The following TCF20 variants were observed in gnomAD, a reference collection of about 807,000 sequenced individuals.
The protein encoded by TCF20 is SPRE-binding protein.
TCF20 carries 3 observed loss-of-function variants against 148.6 expected under a neutral mutation model. That is an observed-to-expected ratio of 0.02 (90% CI 0.01 to 0.05). The LOEUF is 0.05. TCF20 is among the 10% of genes least tolerant of loss of function. The pLI, the probability that TCF20 is intolerant of heterozygous loss-of-function variation, is 1.00. For synonymous variants in TCF20, 1,049 were observed against 909.5 expected, an observed-to-expected ratio of 1.15 and a Z score of -2.76; for missense variants, 2,350 against 2,429.3, an observed-to-expected ratio of 0.97 and a Z score of 0.69.
chr22:42,302,956 G>A (rs4820459), intron 1 of TCF20, among the ~76,000 whole-genome samples: 72,279 of 151,936 alleles, frequency 0.48, 17,289 homozygotes, highest in East Asian at 0.6. Context: ...TTGAGACAGA[G>A]CCTCGCTCTG....
intron 1 of TCF20, among the ~76,000 whole-genome samples, chr22:42,328,529 T>A (rs1189859912): frequency 1.3e-5 from 2 of 151,994 alleles, no homozygotes; most frequent in Non-Finnish European, 2.9e-5. Flanking sequence ...CACCTTCATC[T>A]CTTGGTTGCA....
At chr22:42,252,927 G>C (rs889931597) in intron 1 of TCF20, among the ~76,000 whole-genome samples, 2 of 151,768 alleles carry the variant, frequency 1.3e-5, no homozygotes, top group African/African-American at 4.8e-5. Flanking sequence ...TAATTTAGTA[G>C]AGTCAAATGT....
At chr22:42,307,100 C>A (rs892679024) in intron 1 of TCF20, among the ~76,000 whole-genome samples, 4 of 151,512 alleles carry the variant, frequency 2.6e-5, no homozygotes, top group African/African-American at 9.7e-5. Context: ...GGCACCAACC[C>A]GAGCCATCTG....
chr22:42,283,678 C>A (rs1479835172), intron 1 of TCF20, among the ~76,000 whole-genome samples: 2 of 151,834 alleles, frequency 1.3e-5, no homozygotes. Flanking sequence ...GGCCCCTGCC[C>A]AGCCCTGCCC....
At position 42,299,850 on chromosome 22, in the gene TCF20, G is replaced by A. The variant is rs1927302336; in HGVS notation, c.-37+43629C>T. Among the ~76,000 whole-genome samples the A allele has an allele frequency of 1.3e-5, 2 of 151,262 alleles. No individual in the cohort carries two copies. Among genetic ancestry groups the A allele is most frequent in the African/African-American group, 4.9e-5 (2 of 41,070 alleles). On this transcript the variant is annotated intron_variant, in intron 1 of 1. Coordinates refer to the TCF20 transcript ENST00000515426. The surrounding 1 kb of genome is among the most constrained non-coding windows in gnomAD (Gnocchi z 4.1). ...AGAGAAGGGGGAGAAGGAAGCGGAG[G>A]GGAGGAGGGAGGAGGGAAAAGACAG...
intron 1 of TCF20, among the ~76,000 whole-genome samples, chr22:42,235,658 T>TA (rs1239890266): frequency 1.2e-4 from 18 of 152,248 alleles, no homozygotes; most frequent in African/African-American, 4.3e-4. Flanking sequence ...GTACTACATT[T>TA]AGAATTAAGA....
chr22:42,257,689 A>G (rs1211256170), intron 1 of TCF20, among the ~76,000 whole-genome samples: 1 of 152,178 alleles, frequency 6.6e-6, no homozygotes, highest in African/African-American at 2.4e-5. Context: ...GTCTTTTTTC[A>G]GCAAAAATCT....
rs1926856126 is a variant in TCF20 at position 42,279,598 on chromosome 22, G to A, written c.-37+4229C>T. ...ACATTAACATCACCCCCGAGTGAGGGCTGCAGGCACACAGTGACTGCGCTT... is the reference window on the plus strand; with the variant it reads ...ACATTAACATCACCCCCGAGTGAGGACTGCAGGCACACAGTGACTGCGCTT... On this transcript the variant is annotated intron_variant, in intron 1 of 5. Coordinates refer to the TCF20 transcript ENST00000359486. The surrounding 1 kb of genome is among the most constrained non-coding windows in gnomAD (Gnocchi z 4.3). Among the ~76,000 whole-genome samples the A allele has an allele frequency of 6.6e-6, 1 of 152,198 alleles. No homozygotes were observed. Among genetic ancestry groups the A allele is most frequent in the Admixed American group, 6.5e-5 (1 of 15,290 alleles).
chr22:42,335,664 T>C (rs1226518728), intron 1 of TCF20, among the ~76,000 whole-genome samples: 4 of 152,094 alleles, frequency 2.6e-5, no homozygotes, highest in African/African-American at 2.4e-5. Context: ...GCAGAAGGCA[T>C]AGCAGGGGCA....
chr22:42,177,565 C>G (rs1316140680), intron 3 of TCF20, among the ~76,000 whole-genome samples: 1 of 151,884 alleles, frequency 6.6e-6, no homozygotes, highest in African/African-American at 2.4e-5. Context: ...AGTCAAAACT[C>G]AAGTCTTCTG....
chr22:42,228,173 C>T (rs1395088395), intron 1 of TCF20, among the ~76,000 whole-genome samples: 1 of 152,118 alleles, frequency 6.6e-6, no homozygotes, highest in Non-Finnish European at 1.5e-5. Flanking sequence ...AAGGACAGAG[C>T]AGGGAATTAG....
At chr22:42,166,955 G>T (rs1935825623) in intron 5 of TCF20, among the ~76,000 whole-genome samples, 1 of 152,198 alleles carries the variant, frequency 6.6e-6, no homozygotes, top group African/African-American at 2.4e-5. Flanking sequence ...AACAGAAACA[G>T]TCCTTTCAAA....
chr22:42,282,967 T>C (rs755163011), intron 1 of TCF20, among the ~76,000 whole-genome samples: 3 of 152,372 alleles, frequency 2.0e-5, no homozygotes, highest in African/African-American at 7.2e-5. Flanking sequence ...GGTTACTTGC[T>C]GCTCCTTTTC....
In TCF20 at chr22:42,292,760, C is replaced by T. The variant is rs898738633; in HGVS notation, c.-37+50719G>A. ...GATTGGATTCTCAGGCCTCTCTGCT[C>T]CCAGCCAGCCCCTCTGCGCCTCCAG... On this transcript the variant is annotated intron_variant, in intron 1 of 1. Coordinates refer to the TCF20 transcript ENST00000515426. The surrounding 1 kb of genome is among the most constrained non-coding windows in gnomAD (Gnocchi z 4.9). Among the ~76,000 whole-genome samples, 22 of 152,088 alleles carry T rather than the reference C, an allele frequency of 1.4e-4. No homozygotes were observed. The highest frequency in any genetic ancestry group is 1.2e-3 in the Admixed American group (19 of 15,276).
intron 1 of TCF20, among the ~76,000 whole-genome samples, chr22:42,256,573 T>G (rs74664356): frequency 6.6e-6 from 1 of 152,122 alleles, no homozygotes; most frequent in African/African-American, 2.4e-5. Context: ...AGAACTTAAA[T>G]CCACTTCCAC....
chr22:42,266,855 T>C (rs1328777739), intron 1 of TCF20, among the ~76,000 whole-genome samples: 4 of 152,228 alleles, frequency 2.6e-5, no homozygotes, highest in African/African-American at 9.6e-5. Flanking sequence ...TCTTACCAAC[T>C]TTGGCAACCT....
In TCF20 at chr22:42,165,852, T is replaced by C. The variant is rs73887960; in HGVS notation, c.*44+2757A>G. Among the ~76,000 whole-genome samples, 764 of 152,354 alleles carry C rather than the reference T, an allele frequency of 5.0e-3. 12 individuals are homozygous for C. Among genetic ancestry groups the C allele is most frequent in the African/African-American group, 0.018 (728 of 41,590 alleles). On this transcript the variant is annotated intron_variant, in intron 5 of 5. Coordinates refer to ENST00000677622, the MANE Select transcript of TCF20 (RefSeq NM_001378418.1). ...CAGAAGAAACCGAAGTACAGAGACA[T>C]GGAGTAGTCTGATCTTAGTCACACA... is the stretch of plus-strand genomic sequence containing the variant.
At chr22:42,314,605 A>C (rs1352073542) in intron 1 of TCF20, among the ~76,000 whole-genome samples, 1 of 152,106 alleles carries the variant, frequency 6.6e-6, no homozygotes, top group Non-Finnish European at 1.5e-5. Context: ...GGCCCAAGCC[A>C]AGGGCTGAGG....
chr22:42,252,245 T>C (rs374558675), intron 1 of TCF20, among the ~76,000 whole-genome samples: 2 of 147,054 alleles, frequency 1.4e-5, no homozygotes, highest in South Asian at 4.4e-4. Flanking sequence ...CGAGCACCAC[T>C]GCACTCCAGC....
Sources: gnomAD v4.1 joint callset for allele counts (sites outside exome capture counted in the v4.1 genomes callset) on GRCh38, gnomAD v4.1.1 for gene constraint, Gnocchi (gnomAD v3.1) non-coding constraint, MANE v1.5 for transcripts, NCBI Gene and HGNC (gene_info 2026-07-23, HGNC 2026-07-21) for gene names.